ANKRD36: variants seen among roughly 807,000 people sequenced by gnomAD.
The protein encoded by ANKRD36 is ankyrin repeat domain 36, also known as ankyrin repeat domain-containing protein 36A.
Under a neutral mutation model 278.1 loss-of-function variants are expected in ANKRD36, and 179 were observed. That is an observed-to-expected ratio of 0.64 (90% confidence interval 0.57 to 0.73). ANKRD36 has a LOEUF of 0.73. ANKRD36 is among the 30% of genes least tolerant of loss of function. The pLI is 0.00. For missense variants in ANKRD36, 1,159 were observed against 1,956.7 expected (o/e 0.59, Z 7.69); for synonymous variants, 320 against 641.1 (o/e 0.50, Z 7.57).
intron 20 of ANKRD36, among the ~76,000 whole-genome samples, chr2:97,165,126 C>G (rs758538614): frequency 3.3e-5 from 5 of 152,208 alleles, no homozygotes; most frequent in Non-Finnish European, 7.3e-5. Context: ...TAAGTCACTG[C>G]AATGCACATT....
At chr2:97,183,976 G>A (rs1226156980) in intron 28 of ANKRD36, among the ~76,000 whole-genome samples, 1 of 151,572 alleles carries the variant, frequency 6.6e-6, no homozygotes, top group Non-Finnish European at 1.5e-5. Flanking sequence ...GAAGGAGAAA[G>A]AGAAGAAGTA....
At chr2:97,188,026 CAA>C (rs1214293068) in intron 32 of ANKRD36, among the ~76,000 whole-genome samples, 1 of 151,622 alleles carries the variant, frequency 6.6e-6, no homozygotes, top group Non-Finnish European at 1.5e-5. Flanking sequence ...AAGCAGGAAA[CAA>C]TGCTAGAATT....
In ANKRD36 at chr2:97,192,985, C is replaced by A. The variant is rs1296453058; in HGVS notation, c.2381C>A (p.Thr794Lys). The A allele has an allele frequency of 6.3e-7, 1 of 1,582,210 alleles. No homozygotes were observed. The highest frequency in any genetic ancestry group is 2.3e-5 in the East Asian group (1 of 42,832). The change falls in exon 38 of 76, where the codon ACA becomes AAA. Residue 794 changes from threonine to lysine, a missense_variant. Transcript: ENST00000420699. ...TTCATTTGAAATTCCATTCAGGCTA[C>A]AAGTGACGAGGAAGGTTCTGTTTTG... ...SSQKPPALTA[T>K]SDEEGSVLSI...
chr2:97,211,401 C>T (rs1367253578), intron 56 of ANKRD36, 145 bp from the exon 57 acceptor site: 3 of 1,314,720 alleles, frequency 2.3e-6, no homozygotes, highest in African/African-American at 1.5e-5. Flanking sequence ...CTGTCATGTT[C>T]TGGTCCCCAG....
intron 30 of ANKRD36, among the ~76,000 whole-genome samples, chr2:97,186,532 G>T (rs2922574): frequency 0.59 from 88,470 of 149,002 alleles, 30,361 homozygotes; most frequent in Non-Finnish European, 0.78. Context: ...TATACTTTGT[G>T]GCCATGAGTG....
At chr2:97,151,293 A>G (rs2045904912) in intron 12 of ANKRD36, among the ~76,000 whole-genome samples, 1 of 151,858 alleles carries the variant, frequency 6.6e-6, no homozygotes, top group African/African-American at 2.4e-5. Flanking sequence ...TTCGTGAATC[A>G]TTGCTCCATA....
At chr2:97,182,752 T>C (rs1033860996) in intron 26 of ANKRD36, among the ~76,000 whole-genome samples, 4 of 151,478 alleles carry the variant, frequency 2.6e-5, no homozygotes, top group African/African-American at 9.7e-5. Flanking sequence ...TCAAATTTGA[T>C]CATTTATTAT....
chr2:97,180,325 A>G (rs571827132), intron 24 of ANKRD36, among the ~76,000 whole-genome samples: 5 of 151,712 alleles, frequency 3.3e-5, no homozygotes, highest in African/African-American at 1.2e-4. Context: ...TGATCCTAAT[A>G]ACTCCATAAA....
chr2:97,144,963 G>C (rs1242914394), intron 10 of ANKRD36, among the ~76,000 whole-genome samples: 3 of 151,990 alleles, frequency 2.0e-5, no homozygotes, highest in Admixed American at 6.6e-5. Flanking sequence ...CAAGATACAA[G>C]AGTCTGAGGG....
intron 10 of ANKRD36, among the ~76,000 whole-genome samples, chr2:97,145,074 A>G (rs1159280952): frequency 2.0e-5 from 3 of 152,048 alleles, no homozygotes; most frequent in Non-Finnish European, 2.9e-5. Flanking sequence ...TCACATTGCT[A>G]AAACCAGAGG....
intron 44 of ANKRD36, 116 bp from the exon 45 acceptor site, chr2:97,200,218 C>G (rs1346703345): frequency 1.3e-6 from 2 of 1,576,790 alleles, no homozygotes; most frequent in South Asian, 1.2e-5. Context: ...TAGAAGCCAT[C>G]AAAGCCTCCA....
intron 6 of ANKRD36, among the ~76,000 whole-genome samples, chr2:97,130,008 A>G (rs1191572460): frequency 6.6e-6 from 1 of 152,050 alleles, no homozygotes; most frequent in Non-Finnish European, 1.5e-5. Flanking sequence ...TTCTGTGAAG[A>G]AAGTCATTGT....
intron 46 of ANKRD36, among the ~76,000 whole-genome samples, chr2:97,200,816 T>C (rs2061170615): frequency 1.3e-5 from 2 of 151,884 alleles, no homozygotes; most frequent in Admixed American, 1.3e-4. Context: ...TTCTGTAGCA[T>C]CTTTTCATTA....
chr2:97,166,200 T>C (rs1025490234), intron 20 of ANKRD36, among the ~76,000 whole-genome samples: 1 of 152,100 alleles, frequency 6.6e-6, no homozygotes, highest in Non-Finnish European at 1.5e-5. Context: ...AGAAAATATG[T>C]AACATAGTTT....
At chr2:97,150,503 G>C (rs2443882) in intron 12 of ANKRD36, among the ~76,000 whole-genome samples, 1 of 151,732 alleles carries the variant, frequency 6.6e-6, no homozygotes, top group Non-Finnish European at 1.5e-5. Context: ...GCTTTCTCAT[G>C]ATGGAATGTT....
intron 22 of ANKRD36, among the ~76,000 whole-genome samples, chr2:97,176,927 C>A (rs554933450): frequency 2.0e-5 from 3 of 151,700 alleles, no homozygotes; most frequent in African/African-American, 7.2e-5. Flanking sequence ...TCTAGAAAAC[C>A]CTATTGTCTC....
At chr2:97,224,436 G>GTTTTTTT (rs1457069314) in intron 66 of ANKRD36, among the ~76,000 whole-genome samples, 1 of 142,476 alleles carries the variant, frequency 7.0e-6, no homozygotes, top group African/African-American at 2.5e-5. Context: ...CTATCGTTTT[G>GTTTTTTT]TTTTTTTGTT....
intron 22 of ANKRD36, among the ~76,000 whole-genome samples, chr2:97,171,923 T>C (rs1207019921): frequency 6.6e-6 from 1 of 152,072 alleles, no homozygotes. Flanking sequence ...AAATGGGATC[T>C]AATTAAACTA....
chr2:97,122,442 T>A (rs2037147721), intron 3 of ANKRD36, among the ~76,000 whole-genome samples: 1 of 144,598 alleles, frequency 6.9e-6, no homozygotes, highest in African/African-American at 2.5e-5. Flanking sequence ...TATTAATAGT[T>A]TAAGAAACAC....
Sources: gnomAD v4.1 joint callset for allele counts (sites outside exome capture counted in the v4.1 genomes callset) on GRCh38, gnomAD v4.1.1 for gene constraint, MANE v1.5 for transcripts, NCBI Gene and HGNC (gene_info 2026-07-23, HGNC 2026-07-21) for gene names.